The following DNAH10 variants were observed in gnomAD, a reference collection of about 807,000 sequenced individuals.
DNAH10 encodes axonemal beta dynein heavy chain 10.
A neutral mutation model predicts 506.6 loss-of-function variants in DNAH10; 348 were observed. The ratio of observed to expected loss-of-function variants is 0.69; its 90% CI spans 0.63 to 0.75. The LOEUF is 0.75. Among genes scored for constraint, DNAH10 ranks in the 30% least tolerant of loss-of-function variants. DNAH10 has a pLI of 0.00. For synonymous variants in DNAH10, 2,059 were observed against 2,198.6 expected (o/e 0.94, Z 1.78); for missense variants, 5,179 against 5,787.1 (o/e 0.89, Z 3.41).
chr12:123,881,909 G>C (rs1485200281), intron 51 of DNAH10, 96 bp downstream of exon 51: 1 of 1,188,440 alleles, frequency 8.4e-7, no homozygotes, highest in East Asian at 3.1e-5. Flanking sequence ...GCAGATCATA[G>C]CATGATGTTT....
At position 123,853,841 on chromosome 12, in the gene DNAH10, C is replaced by T. The variant is rs778181445; in HGVS notation, c.6438+489C>T. Among the ~76,000 whole-genome samples, 4 of 145,514 alleles carry T rather than the reference C, an allele frequency of 2.7e-5. No individual in the cohort carries two copies. The highest frequency in any genetic ancestry group is 2.0e-4 in the East Asian group (1 of 4,986). ...ACACACGCACGCACACACACGCACACGCACGGACACACGCACGCGCACACA... is the reference window on the plus strand; with the variant it reads ...ACACACGCACGCACACACACGCACATGCACGGACACACGCACGCGCACACA... On this transcript the variant is annotated intron_variant, in intron 36 of 78. Transcript: ENST00000673944. This position sits in a 1 kb window ranked among gnomAD's most constrained non-coding sequence, Gnocchi z 4.7.
chr12:123,881,649 A>G lies in DNAH10; in HGVS notation c.8659A>G (p.Ser2887Gly). The change falls in exon 51 of 79, where the codon AGC (serine) becomes GGC (glycine). Residue 2887 changes from serine (S) to glycine (G), a missense_variant. Transcript: ENST00000673944. ...GGAAATTCTTGAAGAGTATAATGAAAGCAACACCAAAATGAACTTGGTTCT... is the reference window on the plus strand; with the variant it reads ...GGAAATTCTTGAAGAGTATAATGAAGGCAACACCAAAATGAACTTGGTTCT... ...FQEILEEYNE[S>G]NTKMNLVLFD... is the part of the protein sequence containing the mutation. 1 of 1,539,780 alleles carries G rather than the reference A, an allele frequency of 6.5e-7. No individual in the cohort carries two copies. The highest frequency in any genetic ancestry group is 8.7e-7 in the Non-Finnish European group (1 of 1,143,606).
At chr12:123,878,683 G>C (rs1189342375) in intron 48 of DNAH10, among the ~76,000 whole-genome samples, 1 of 152,182 alleles carries the variant, frequency 6.6e-6, no homozygotes, top group Non-Finnish European at 1.5e-5. Flanking sequence ...GATCACTTGA[G>C]CCCAGGAGTT....
At chr12:123,801,125 G>C (rs1267861078) in intron 15 of DNAH10, among the ~76,000 whole-genome samples, 156 bp from the exon 16 acceptor site, 1 of 152,166 alleles carries the variant, frequency 6.6e-6, no homozygotes, top group East Asian at 1.9e-4. Flanking sequence ...AAAAAAGAAA[G>C]TTAATGAGAA....
At chr12:123,920,174 C>T (rs1017539081) in intron 65 of DNAH10, among the ~76,000 whole-genome samples, 1 of 152,192 alleles carries the variant, frequency 6.6e-6, no homozygotes, top group African/African-American at 2.4e-5. Flanking sequence ...CAATGATTAG[C>T]TCTGGATTTG....
intron 1 of DNAH10, among the ~76,000 whole-genome samples, chr12:123,765,570 A>G (rs1593944995): frequency 6.8e-6 from 1 of 147,900 alleles, no homozygotes; most frequent in Non-Finnish European, 1.5e-5. Flanking sequence ...TACTTTATCT[A>G]TCTATCTATC....
rs370315969 is a variant in DNAH10, at chr12:123,871,525, A to C, written c.7708A>C (p.Ile2570Leu). The change falls in exon 45 of 79, where the codon ATT (isoleucine) becomes CTT (leucine). Residue 2570 changes from isoleucine to leucine, a missense_variant. By Grantham distance (5) the Ile-to-Leu change is conservative (BLOSUM62 2). Coordinates refer to ENST00000673944, the MANE Select transcript of DNAH10 (RefSeq NM_001372106.1). ...AATGGTTAAAATTAAGCAACCTGTT[A>C]TTTTTGTTGGTGAATCTGGCACTTC... ...EQMVKIKQPV[I>L]FVGESGTSKT... 76 of 1,557,672 alleles carry C rather than the reference A, an allele frequency of 4.9e-5. No homozygotes were observed. Among genetic ancestry groups the C allele is most frequent in the Non-Finnish European group, 5.9e-5 (68 of 1,149,928 alleles).
At chr12:123,838,818 T>G in intron 29 of DNAH10, 129 bp downstream of exon 29, 1 of 873,072 alleles carries the variant, frequency 1.1e-6, no homozygotes, top group East Asian at 2.5e-5. Flanking sequence ...GTTGGTTTTT[T>G]GGTTTGTTTT....
In DNAH10 at chr12:123,771,467, A is replaced by G; in HGVS notation, c.299-134A>G. On this transcript the variant is annotated intron_variant, in intron 2 of 78. Coordinates refer to ENST00000673944, the MANE Select transcript of DNAH10 (RefSeq NM_001372106.1). Reference sequence around the variant, plus strand: ...AGGCCACAATTTGATTGATTGGAACAGAAGGTATGCACAGCTATTTGATAA... The same window carrying G: ...AGGCCACAATTTGATTGATTGGAACGGAAGGTATGCACAGCTATTTGATAA... 6 of 724,296 alleles carry G rather than the reference A, an allele frequency of 8.3e-6. No individual in the cohort carries two copies. In the South Asian group the frequency reaches 9.4e-5, roughly 11 times the overall value. The allele number at this position is 724,296 out of a possible 1,614,324, so 44.9% of individuals were successfully genotyped here. A position where few individuals can be genotyped will look rare whatever the true frequency, so the allele number is the denominator to read the frequency against.
chr12:123,892,307 T>A, intron 52 of DNAH10, among the ~76,000 whole-genome samples: 1 of 152,142 alleles, frequency 6.6e-6, no homozygotes, highest in Non-Finnish European at 1.5e-5. Flanking sequence ...GCGCGTCCCA[T>A]GGCCAGAGTG....
intron 36 of DNAH10, among the ~76,000 whole-genome samples, chr12:123,855,991 GA>G (rs1171915789): frequency 6.8e-6 from 1 of 147,638 alleles, no homozygotes; most frequent in Non-Finnish European, 1.5e-5. Flanking sequence ...ATGAAACTTT[GA>G]AAAATGCATA....
intron 65 of DNAH10, among the ~76,000 whole-genome samples, chr12:123,921,327 GT>G (rs1156959964): frequency 2.0e-5 from 3 of 152,182 alleles, no homozygotes; most frequent in Non-Finnish European, 4.4e-5. Flanking sequence ...AGCATTCGTC[GT>G]GAAAACGTTC....
intron 49 of DNAH10, 57 bp downstream of exon 49, chr12:123,879,414 C>A: frequency 6.5e-7 from 1 of 1,538,064 alleles, no homozygotes; most frequent in Non-Finnish European, 8.8e-7. Context: ...TAAACAAGCG[C>A]CAAAAGTGTT....
chr12:123,918,974 C>T (rs1954611596), intron 65 of DNAH10, 25 bp downstream of exon 65: 1 of 1,577,166 alleles, frequency 6.3e-7, no homozygotes, highest in East Asian at 2.3e-5. Context: ...CAGAGGAGGA[C>T]ATGTTAGTGT....
At chr12:123,799,205 T>C in intron 13 of DNAH10, 41 bp from the exon 14 acceptor site, 3 of 1,450,400 alleles carry the variant, frequency 2.1e-6, no homozygotes, top group Non-Finnish European at 1.8e-6. Context: ...AAAAATGTTA[T>C]TTTCAAGGAC....
rs376946039 is a variant in DNAH10, at chr12:123,918,829, G to A, written c.11386G>A (p.Ala3796Thr). The A allele has an allele frequency of 5.6e-6, 9 of 1,613,826 alleles. No individual in the cohort carries two copies. Among genetic ancestry groups the A allele is most frequent in the South Asian group, 1.1e-5 (1 of 91,084 alleles). Residue 3796 changes from alanine (A) to threonine (T), a missense_variant, in exon 65 of 79, where the codon GCC (alanine) becomes ACC (threonine). Coordinates refer to ENST00000673944, the MANE Select transcript of DNAH10 (RefSeq NM_001372106.1). ...VNSMYQYSLI[A>T]FLEVFRLSLK... ...CTCCATGTACCAGTACTCCCTGATTGCCTTCTTAGAGGTCTTCAGGCTGTC... is the reference window on the plus strand; with the variant it reads ...CTCCATGTACCAGTACTCCCTGATTACCTTCTTAGAGGTCTTCAGGCTGTC...
At chr12:123,795,545 T>A (rs1307839523) in intron 12 of DNAH10, among the ~76,000 whole-genome samples, 1 of 152,224 alleles carries the variant, frequency 6.6e-6, no homozygotes, top group Non-Finnish European at 1.5e-5. Context: ...GACCTCCTTT[T>A]CTGCCTCCTC....
rs1014888970 is a variant in DNAH10, at chr12:123,853,843, C to G, written c.6438+491C>G. Reference sequence around the variant, plus strand: ...ACACGCACGCACACACACGCACACGCACGGACACACGCACGCGCACACACA... The same window carrying G: ...ACACGCACGCACACACACGCACACGGACGGACACACGCACGCGCACACACA... On this transcript the variant is annotated intron_variant, in intron 36 of 78. Transcript: ENST00000673944. This position sits in a 1 kb window ranked among gnomAD's most constrained non-coding sequence, Gnocchi z 4.7. Among the ~76,000 whole-genome samples the G allele has an allele frequency of 3.5e-5, 5 of 143,004 alleles. No individual in the cohort carries two copies. The highest frequency in any genetic ancestry group is 1.4e-4 in the Admixed American group (2 of 14,058). 93.8% of individuals were successfully genotyped at this position (143,004 alleles called of 152,430 possible).
At chr12:123,772,361 G>T (rs558894307) in intron 3 of DNAH10, among the ~76,000 whole-genome samples, 1 of 152,228 alleles carries the variant, frequency 6.6e-6, no homozygotes, top group Non-Finnish European at 1.5e-5. Context: ...AAGCTTGGAA[G>T]TTGTCACCCT....
Sources: gnomAD v4.1 joint callset for allele counts (sites outside exome capture counted in the v4.1 genomes callset) on GRCh38, gnomAD v4.1.1 for gene constraint, Gnocchi (gnomAD v3.1) non-coding constraint, MANE v1.5 for transcripts, NCBI Gene and HGNC (gene_info 2026-07-23, HGNC 2026-07-21) for gene names.